Variants in FAM13A observed in about 807,000 individuals in gnomAD.
FAM13A encodes protein FAM13A.
A neutral mutation model predicts 129.6 loss-of-function variants in FAM13A; 76 were observed. The observed-to-expected ratio is 0.59, with a 90% CI of 0.49 to 0.71. The LOEUF is 0.71. Ranked by LOEUF, FAM13A falls within the 30% of genes least tolerant of loss-of-function variation. FAM13A has a pLI of 0.00. For synonymous variants in FAM13A, 443 were observed against 449.9 expected, an observed-to-expected ratio of 0.98 and a Z score of 0.20; for missense variants, 1,108 against 1,249.3, an observed-to-expected ratio of 0.89 and a Z score of 1.70.
chr4:88,773,473 A>G (rs76401410), intron 11 of FAM13A, among the ~76,000 whole-genome samples: 7,376 of 152,108 alleles, frequency 0.048, 270 homozygotes, highest in Non-Finnish European at 0.073. Flanking sequence ...TCCCTATTGC[A>G]ATTTCTTTAT....
chr4:88,818,750 A>T (rs977343027), intron 7 of FAM13A, among the ~76,000 whole-genome samples: 1 of 152,190 alleles, frequency 6.6e-6, no homozygotes, highest in African/African-American at 2.4e-5. Context: ...TTGTGGAGGG[A>T]GAGGGCAGTG....
At chr4:89,016,229 A>C (rs1766471014) in intron 3 of FAM13A, among the ~76,000 whole-genome samples, 1 of 151,904 alleles carries the variant, frequency 6.6e-6, no homozygotes, top group Admixed American at 6.5e-5. Context: ...AAAAAAGAAA[A>C]AAGAAAATTT....
Position 88,905,960 on chromosome 4 carries a change from T to C in FAM13A, c.843+419A>G, listed in dbSNP as rs181191773. Among the ~76,000 whole-genome samples, 7 of 152,098 alleles carry C rather than the reference T, an allele frequency of 4.6e-5. No individual in the cohort carries two copies. In the South Asian group the frequency reaches 8.3e-4, roughly 18 times the overall value. ...AAAAAACCAAAAGGGCTGAAGGAAA[T>C]GCAATCAACAGAACATGGAAATAGG... On this transcript the variant is annotated intron_variant, in intron 6 of 23. Transcript: ENST00000264344.
At chr4:88,790,540 A>T (rs1272341472) in intron 9 of FAM13A, 46 bp downstream of exon 9, 30 of 589,998 alleles carry the variant, frequency 5.1e-5, no homozygotes, top group African/African-American at 1.0e-4. Flanking sequence ...ACAGGGCATT[A>T]AAAAAAAAAA....
intron 5 of FAM13A, among the ~76,000 whole-genome samples, chr4:88,913,129 G>GGAC (rs1561317748): frequency 7.0e-6 from 1 of 142,778 alleles, no homozygotes; most frequent in Non-Finnish European, 1.5e-5. Flanking sequence ...AAGAAGAACA[G>GGAC]GAGGAAGAGG....
intron 7 of FAM13A, among the ~76,000 whole-genome samples, chr4:88,833,793 G>A (rs774461236): frequency 7.9e-5 from 12 of 152,118 alleles, no homozygotes; most frequent in Non-Finnish European, 1.8e-4. Context: ...GGCTGAGGGA[G>A]GAGAATCGCT....
chr4:88,874,601 T>C (rs966611775), intron 6 of FAM13A, among the ~76,000 whole-genome samples: 3 of 152,178 alleles, frequency 2.0e-5, no homozygotes, highest in Non-Finnish European at 2.9e-5. Flanking sequence ...AAGGACCTTT[T>C]CAAGGAGAAC....
At chr4:88,843,809 T>A (rs1736218523) in intron 7 of FAM13A, among the ~76,000 whole-genome samples, 1 of 152,166 alleles carries the variant, frequency 6.6e-6, no homozygotes, top group African/African-American at 2.4e-5. Context: ...TGTAAAACAA[T>A]GAATTTCTCC....
intron 4 of FAM13A, among the ~76,000 whole-genome samples, chr4:88,958,457 C>T (rs1199014410): frequency 6.6e-6 from 1 of 152,234 alleles, no homozygotes; most frequent in Non-Finnish European, 1.5e-5. Context: ...CCAGCCATAG[C>T]TCAAAGGAGC....
At chr4:88,737,712 A>G in intron 20 of FAM13A, 157 bp from the exon 21 acceptor site, 1 of 669,662 alleles carries the variant, frequency 1.5e-6, no homozygotes, top group Middle Eastern at 2.5e-4. Flanking sequence ...AAACAACAAA[A>G]GTTCTTTTTC....
intron 6 of FAM13A, among the ~76,000 whole-genome samples, chr4:88,873,502 A>C (rs1741797477): frequency 1.3e-5 from 2 of 152,240 alleles, no homozygotes; most frequent in Non-Finnish European, 2.9e-5. Flanking sequence ...ATCAGAGAAT[A>C]CTATAAATAC....
At chr4:88,894,264 C>T (rs1385629355) in intron 6 of FAM13A, among the ~76,000 whole-genome samples, 1 of 151,994 alleles carries the variant, frequency 6.6e-6, no homozygotes, top group African/African-American at 2.4e-5. Context: ...TTTGTAATAG[C>T]AAACTATTGG....
intron 6 of FAM13A, among the ~76,000 whole-genome samples, chr4:88,900,272 A>G (rs1747072047): frequency 1.3e-5 from 2 of 152,134 alleles, no homozygotes; most frequent in South Asian, 4.1e-4. Flanking sequence ...ACAGCCCAAC[A>G]TTCAAATTCG....
intron 4 of FAM13A, among the ~76,000 whole-genome samples, chr4:88,945,519 T>C (rs1455294220): frequency 6.6e-6 from 1 of 152,058 alleles, no homozygotes; most frequent in Non-Finnish European, 1.5e-5. Flanking sequence ...AGGCTGTAGT[T>C]AGAATTCCCC....
intron 4 of FAM13A, among the ~76,000 whole-genome samples, chr4:88,967,930 G>A (rs1759561051): frequency 6.6e-6 from 1 of 152,154 alleles, no homozygotes; most frequent in African/African-American, 2.4e-5. Context: ...GGAGGACACT[G>A]GCTGAGTGAG....
intron 7 of FAM13A, among the ~76,000 whole-genome samples, chr4:88,835,498 T>A (rs965233091): frequency 6.6e-6 from 1 of 152,132 alleles, no homozygotes; most frequent in South Asian, 2.1e-4. Flanking sequence ...ATGATTCAAG[T>A]GATTACATTT....
intron 7 of FAM13A, among the ~76,000 whole-genome samples, chr4:88,810,118 G>A (rs753973446): frequency 1.3e-5 from 2 of 152,110 alleles, no homozygotes; most frequent in Non-Finnish European, 2.9e-5. Flanking sequence ...AAGAGCTGAA[G>A]TTGTTAGTAT....
At chr4:88,940,279 C>A (rs1424493032) in intron 4 of FAM13A, among the ~76,000 whole-genome samples, 2 of 152,110 alleles carry the variant, frequency 1.3e-5, no homozygotes, top group Non-Finnish European at 2.9e-5. Flanking sequence ...CTGATGAGGG[C>A]TCAGAGGGAA....
intron 23 of FAM13A, chr4:88,729,986 A>T (rs1163374069): frequency 6.6e-6 from 1 of 152,198 alleles, no homozygotes; most frequent in African/African-American, 2.4e-5. Flanking sequence ...GGAAATGAAA[A>T]GCAAGTGTTT....
Sources: allele counts gnomAD v4.1 joint callset (sites outside exome capture counted in the v4.1 genomes callset), GRCh38; gene constraint gnomAD v4.1.1; transcripts MANE v1.5; gene names NCBI Gene and HGNC (gene_info 2026-07-23, HGNC 2026-07-21).